The following PCDH12 variants were observed in gnomAD, a reference collection of about 807,000 sequenced individuals.
PCDH12 encodes the protein protocadherin 12.
A neutral mutation model predicts 70.9 loss-of-function variants in PCDH12; 45 were observed. That is an observed-to-expected ratio of 0.63 (90% CI 0.50 to 0.81). PCDH12 has a LOEUF of 0.81. PCDH12 is among the 40% of genes least tolerant of loss of function. The pLI is 0.00. For synonymous variants in PCDH12, 567 were observed against 626.0 expected (o/e 0.91, Z 1.41); for missense variants, 1,370 against 1,491.7 (o/e 0.92, Z 1.34).
chr5:141,951,803 T>C (rs997960484), intron 1 of PCDH12, among the ~76,000 whole-genome samples: 2 of 152,160 alleles, frequency 1.3e-5, no homozygotes, highest in African/African-American at 4.8e-5. Context: ...AGGACCTGAG[T>C]GTCTGAAGGA....
At position 141,945,789 on chromosome 5, in the gene PCDH12, C is replaced by T. The variant is rs1752904316; in HGVS notation, c.3147G>A (p.Arg1049=). ...TCCAGGCCGGGTCAGGGGCGCTCAG[C>T]CGGTCCAGGGCCAGACCTGTGGGGG... The part of the protein sequence containing the change: ...LDPSTGLALD[R]LSAPDPAWMA... The change falls in exon 4 of 4, where the codon CGG becomes CGA. Residue 1049 remains arginine, a synonymous_variant. Transcript: ENST00000231484. 6.2e-7 allele frequency: 1 copy of T among 1,612,290 alleles called. No individual in the cohort carries two copies. The highest frequency in any genetic ancestry group is 1.8e-4 in the Middle Eastern group (1 of 5,662).
chr5:141,950,191 C>T (rs1019087459), intron 2 of PCDH12, among the ~76,000 whole-genome samples: 1 of 152,164 alleles, frequency 6.6e-6, no homozygotes, highest in Non-Finnish European at 1.5e-5. Flanking sequence ...TAAAGCTGCT[C>T]AGAATCTGCT....
chr5:141,955,192 G>T lies in PCDH12; in HGVS notation c.2660C>A (p.Thr887Lys). ...GCCCTGGTCTCCAGCCAGCCTCCCT[G>T]TGGGGCTGCCTGCAACCTTCAGAGG... ...SRPLKVAGSP[T>K]GRLAGDQGSE... Residue 887 changes from threonine to lysine, a missense_variant, in exon 1 of 4, where the codon ACA (threonine) becomes AAA (lysine). By Grantham distance (78) the Thr-to-Lys change is moderately conservative. Transcript: ENST00000231484. This position sits in a 1 kb window ranked among gnomAD's most constrained non-coding sequence, Gnocchi z 5.5. 1.2e-6 allele frequency: 2 copies of T among 1,614,242 alleles called. No homozygotes were observed. The highest frequency in any genetic ancestry group is 1.7e-6 in the Non-Finnish European group (2 of 1,180,040).
In PCDH12 at chr5:141,957,290, G is replaced by A; in HGVS notation, c.562C>T (p.Pro188Ser). 4 of 1,613,576 alleles carry A rather than the reference G, an allele frequency of 2.5e-6. No homozygotes were observed. Among genetic ancestry groups the A allele is most frequent in the Non-Finnish European group, 3.4e-6 (4 of 1,179,726 alleles). Residue 188 changes from proline to serine, a missense_variant, in exon 1 of 4, where the codon CCT becomes TCT. By Grantham distance (74) the Pro-to-Ser change is moderately conservative (BLOSUM62 -1). Coordinates refer to ENST00000231484, the MANE Select transcript of PCDH12 (RefSeq NM_016580.4). The surrounding 1 kb of genome is among the most constrained non-coding windows in gnomAD (Gnocchi z 4.3). ...AGTTCTGCATGTTTGGTCTCATCAGGGCCCACAATGACATCCAAGGCAAAG... is the reference window on the plus strand; with the variant it reads ...AGTTCTGCATGTTTGGTCTCATCAGAGCCCACAATGACATCCAAGGCAAAG... ...EHFALDVIVG[P>S]DETKHAELIV...
rs1273123400 is a variant in PCDH12, at chr5:141,943,772, A to G, written c.*1609T>C. On this transcript the variant is annotated 3_prime_UTR_variant, in exon 4 of 4. Coordinates refer to ENST00000231484, the MANE Select transcript of PCDH12 (RefSeq NM_016580.4). ...CCCAACAGTTCTGTGATCCAGCCTGAAAATCACAGATTCTGTAAGGAGATC... is the reference window on the plus strand; with the variant it reads ...CCCAACAGTTCTGTGATCCAGCCTGGAAATCACAGATTCTGTAAGGAGATC... 6.6e-6 allele frequency: 1 copy of G among 152,194 alleles called. No homozygotes were observed. Among genetic ancestry groups the G allele is most frequent in the African/African-American group, 2.4e-5 (1 of 41,432 alleles). 9.4% of individuals were successfully genotyped at this position (152,194 alleles called of 1,614,324 possible). A position where few individuals can be genotyped will look rare whatever the true frequency, so the allele number is the denominator to read the frequency against.
rs1752869797 is a variant in PCDH12 at position 141,945,021 on chromosome 5, G to C, written c.*360C>G. 4.0e-6 allele frequency: 1 copy of C among 251,368 alleles called. No individual in the cohort carries two copies. Among genetic ancestry groups the C allele is most frequent in the African/African-American group, 2.3e-5 (1 of 44,428 alleles). 15.6% of individuals were successfully genotyped at this position (251,368 alleles called of 1,614,324 possible). On this transcript the variant is annotated 3_prime_UTR_variant, in exon 4 of 4. Transcript: ENST00000231484. ...AGAGAGCATTTCCTGGCACCCCCAG[G>C]GTACAGCCCCCTGACTCCTGCTACC...
chr5:141,952,025 A>G (rs1476890814), intron 1 of PCDH12, among the ~76,000 whole-genome samples: 1 of 152,242 alleles, frequency 6.6e-6, no homozygotes, highest in African/African-American at 2.4e-5. Flanking sequence ...ACTATGTTGT[A>G]GAGAAGGCAA....
Position 141,945,536 on chromosome 5 carries a change from C to G in PCDH12, c.3400G>C (p.Glu1134Gln), listed in dbSNP as rs1046095903. 2 of 1,613,916 alleles carry G rather than the reference C, an allele frequency of 1.2e-6. No individual in the cohort carries two copies. The highest frequency in any genetic ancestry group is 8.5e-7 in the Non-Finnish European group (1 of 1,179,974). Residue 1134 changes from glutamate to glutamine, a missense_variant, in exon 4 of 4, where the codon GAG (glutamate) becomes CAG (glutamine). Coordinates refer to ENST00000231484, the MANE Select transcript of PCDH12 (RefSeq NM_016580.4). The stretch of plus-strand genomic sequence containing the variant: ...CAGACCGAGAGCCGCCGCAGCGCCT[C>G]GGAGGCGGCCTCCACGGGCATGCTG... The part of the protein sequence containing the change: ...RSSMPVEAAS[E>Q]ALRRLSVCGR...
intron 3 of PCDH12, among the ~76,000 whole-genome samples, chr5:141,948,253 G>C (rs1752989907): frequency 6.6e-6 from 1 of 152,094 alleles, no homozygotes; most frequent in East Asian, 1.9e-4. Context: ...TATCTCATAA[G>C]ATTTTCTCAT....
In PCDH12 at chr5:141,949,457, C is replaced by T. The variant is rs1395493585; in HGVS notation, c.3105G>A (p.Leu1035=). The T allele has an allele frequency of 1.2e-6, 2 of 1,613,794 alleles. No homozygotes were observed. The highest frequency in any genetic ancestry group is 1.3e-5 in the African/African-American group (1 of 74,924). Residue 1035 remains leucine, a synonymous_variant, in exon 3 of 4, where the codon CTG becomes CTA. Transcript: ENST00000231484. ...LSVKQLLEEE[L]SSLLDPSTGL... The stretch of plus-strand genomic sequence containing the variant: ...CTGTGCTGGGGTCCAGCAGACTTGA[C>T]AGCTCTTCTTCTAGCAGTTGCTTCA...
In PCDH12 at chr5:141,955,206, A is replaced by C. The variant is rs767020872; in HGVS notation, c.2646T>G (p.Val882=). The part of the protein sequence containing the change: ...TGQPRSRPLK[V]AGSPTGRLAG... ...CCAGCCTCCCTGTGGGGCTGCCTGC[A>C]ACCTTCAGAGGCCTGGAACGTGGCT... The change falls in exon 1 of 4, where the codon GTT becomes GTG. Residue 882 remains valine (V), a synonymous_variant. Transcript: ENST00000231484. This position sits in a 1 kb window ranked among gnomAD's most constrained non-coding sequence, Gnocchi z 5.5. 1 of 1,614,154 alleles carries C rather than the reference A, an allele frequency of 6.2e-7. No individual in the cohort carries two copies. Among genetic ancestry groups the C allele is most frequent in the South Asian group, 1.1e-5 (1 of 91,082 alleles).
intron 1 of PCDH12, chr5:141,952,320 C>G: frequency 6.6e-6 from 1 of 152,396 alleles, no homozygotes; most frequent in South Asian, 2.1e-4. Context: ...CAACTTGGAG[C>G]AGGGAGGAAG....
chr5:141,948,993 T>G (rs1248939495), intron 3 of PCDH12, among the ~76,000 whole-genome samples: 2 of 151,166 alleles, frequency 1.3e-5, no homozygotes, highest in Admixed American at 1.3e-4. Flanking sequence ...GTGGGTGGAT[T>G]GCTTGAGCCC....
rs774465438 is a variant in PCDH12, at chr5:141,957,507, A to C, written c.345T>G (p.Asp115Glu). ...LVSFDVLATG[D>E]LALIHVEIQV... ...GGATCTCCACATGGATCAGAGCCAA[A>C]TCCCCTGTGGCAAGCACATCAAAGG... The change falls in exon 1 of 4, where the codon GAT (aspartate) becomes GAG (glutamate). Residue 115 changes from aspartate to glutamate, a missense_variant. Transcript: ENST00000231484. This position sits in a 1 kb window ranked among gnomAD's most constrained non-coding sequence, Gnocchi z 4.3. 3 of 1,613,998 alleles carry C rather than the reference A, an allele frequency of 1.9e-6. No homozygotes were observed. The highest frequency in any genetic ancestry group is 2.5e-6 in the Non-Finnish European group (3 of 1,180,008).
At position 141,958,200 on chromosome 5, in the gene PCDH12, T is replaced by G; in HGVS notation, c.-349A>C. Reference sequence around the variant, plus strand: ...GGGACTCTGACTGCCAAACAGTTGCTAGGCTGGGGAAACAGAGAAGCAGCT... The same window carrying G: ...GGGACTCTGACTGCCAAACAGTTGCGAGGCTGGGGAAACAGAGAAGCAGCT... On this transcript the variant is annotated 5_prime_UTR_variant, in exon 1 of 4. Transcript: ENST00000231484. 2 of 232,138 alleles carry G rather than the reference T, an allele frequency of 8.6e-6. No individual in the cohort carries two copies. Among genetic ancestry groups the G allele is most frequent in the Non-Finnish European group, 1.7e-5 (2 of 118,146 alleles). The allele number at this position is 232,138 out of a possible 1,614,324, so 14.4% of individuals were successfully genotyped here. A position where few individuals can be genotyped will look rare whatever the true frequency, so the allele number is the denominator to read the frequency against.
At position 141,955,968 on chromosome 5, in the gene PCDH12, C is replaced by T. The variant is rs547886985; in HGVS notation, c.1884G>A (p.Ser628=). The stretch of plus-strand genomic sequence containing the variant: ...TGTAGAGGGGCTCTCCATTTGCCCC[C>T]GAGTCTGCATCTCTTGCCACAATGG... ...LTTIVARDAD[S]GANGEPLYSI... is the part of the protein sequence containing the mutation. The change falls in exon 1 of 4, where the codon TCG becomes TCA. Residue 628 remains serine, a synonymous_variant. Transcript: ENST00000231484. The surrounding 1 kb of genome is among the most constrained non-coding windows in gnomAD (Gnocchi z 5.5). 5.8e-5 allele frequency: 94 copies of T among 1,614,122 alleles called. No individual in the cohort carries two copies. Among genetic ancestry groups the T allele is most frequent in the South Asian group, 4.4e-4 (40 of 91,076 alleles).
chr5:141,956,855 G>C lies in PCDH12; in HGVS notation c.997C>G (p.Pro333Ala). 6.2e-7 allele frequency: 1 copy of C among 1,614,204 alleles called. No individual in the cohort carries two copies. Among genetic ancestry groups the C allele is most frequent in the Non-Finnish European group, 8.5e-7 (1 of 1,180,030 alleles). The part of the protein sequence containing the change: ...QARDLGPNPI[P>A]AHCKVLIKVL... ...TTGATGAGAACTTTGCAATGGGCTG[G>C]GATAGGATTGGGACCCAGGTCCCTT... The change falls in exon 1 of 4, where the codon CCA (proline) becomes GCA (alanine). Residue 333 changes from proline (P) to alanine (A), a missense_variant. Pro to Ala is a conservative substitution (Grantham distance 27, BLOSUM62 -1). Transcript: ENST00000231484.
intron 1 of PCDH12, among the ~76,000 whole-genome samples, chr5:141,952,160 C>T (rs989088937): frequency 3.9e-5 from 6 of 152,120 alleles, no homozygotes; most frequent in African/African-American, 1.2e-4. Context: ...CTGCCCTCAG[C>T]GTGGTCACAT....
intron 1 of PCDH12, among the ~76,000 whole-genome samples, chr5:141,954,518 A>G (rs538315912): frequency 2.0e-5 from 3 of 152,220 alleles, no homozygotes; most frequent in Non-Finnish European, 2.9e-5. Context: ...TGGTGTTAAC[A>G]TAGACATCTT....
Sources: gnomAD v4.1 joint callset for allele counts (sites outside exome capture counted in the v4.1 genomes callset) on GRCh38, gnomAD v4.1.1 for gene constraint, Gnocchi (gnomAD v3.1) non-coding constraint, MANE v1.5 for transcripts, NCBI Gene and HGNC (gene_info 2026-07-23, HGNC 2026-07-21) for gene names.